The following PPEF1 variants were observed in gnomAD, a reference collection of about 807,000 sequenced individuals.
PPEF1 encodes the protein serine/threonine-protein phosphatase with EF-hands 1.
Under a neutral mutation model 53.3 loss-of-function variants are expected in PPEF1, and 12 were observed. That is an observed-to-expected ratio of 0.23 (90% CI 0.14 to 0.36). The LOEUF is 0.36. PPEF1 is among the 10% of genes least tolerant of loss of function. The pLI is 1.00. For synonymous variants in PPEF1, 165 were observed against 176.7 expected, an observed-to-expected ratio of 0.93 and a Z score of 0.52; for missense variants, 334 against 490.4, an observed-to-expected ratio of 0.68 and a Z score of 3.01.
In PPEF1 at chrX:18,797,203, C is replaced by T. The variant is rs139549979; in HGVS notation, c.1066-6689C>T. The stretch of plus-strand genomic sequence containing the variant: ...ACACACACATAAGTTATGCTAGAGC[C>T]GAAATTTCCAGATAAAAACAGAGCT... On this transcript the variant is annotated intron_variant, in intron 10 of 15. Transcript: ENST00000470157. Among the ~76,000 whole-genome samples the T allele has an allele frequency of 9.8e-3, 1,096 of 111,858 alleles. 15 individuals are homozygous for T. Among genetic ancestry groups the T allele is most frequent in the African/African-American group, 0.034 (1,046 of 30,851 alleles).
At chrX:18,676,415 C>G (rs1214789855) in intron 1 of PPEF1, among the ~76,000 whole-genome samples, 2 of 107,273 alleles carry the variant, frequency 1.9e-5, no homozygotes, top group East Asian at 6.1e-4. Context: ...GTGGGTTTTT[C>G]TAGTACCCGT....
intron 11 of PPEF1, among the ~76,000 whole-genome samples, chrX:18,804,316 T>C (rs945869590): frequency 2.9e-4 from 32 of 109,843 alleles, no homozygotes; most frequent in African/African-American, 1.1e-3. Context: ...AAATTCTTTT[T>C]TTTTTTTTGA....
chrX:18,730,441 C>A, intron 2 of PPEF1, 133 bp downstream of exon 2: 2 of 769,579 alleles, frequency 2.6e-6, no homozygotes, highest in Admixed American at 6.7e-5. Flanking sequence ...CATGTCATGA[C>A]ATTGTCTTGG....
At chrX:18,716,320 C>A (rs1231408713) in intron 1 of PPEF1, among the ~76,000 whole-genome samples, 1 of 110,138 alleles carries the variant, frequency 9.1e-6, no homozygotes, top group Non-Finnish European at 1.9e-5. Context: ...ATCACGAGGT[C>A]AGGAGATTGA....
chrX:18,818,528 G>A (rs1258230961), intron 13 of PPEF1, among the ~76,000 whole-genome samples: 4 of 109,873 alleles, frequency 3.6e-5, no homozygotes, highest in East Asian at 2.9e-4. Flanking sequence ...ACACCACCAC[G>A]CCCAGCTAAT....
At position 18,823,891 on chromosome X, in the gene PPEF1, A is replaced by C. The variant is rs771398789; in HGVS notation, c.1502-32A>C. ...CATTCTTTAAAATCATATTTTAACAAATCATTTGGGCTTTGTTATTGTTGT... is the reference window on the plus strand; with the variant it reads ...CATTCTTTAAAATCATATTTTAACACATCATTTGGGCTTTGTTATTGTTGT... On this transcript the variant is annotated intron_variant, in intron 13 of 15. Coordinates refer to ENST00000470157, the MANE Select transcript of PPEF1 (RefSeq NM_001377996.1). The C allele has an allele frequency of 2.5e-6, 3 of 1,191,415 alleles. No homozygotes were observed. The Admixed American group carries it at 6.8e-5, about 27-fold the overall frequency.
intron 9 of PPEF1, among the ~76,000 whole-genome samples, chrX:18,786,730 CCA>C (rs2147613451): frequency 9.9e-6 from 1 of 101,425 alleles, no homozygotes; most frequent in East Asian, 3.1e-4. Flanking sequence ...CTGCAGTGAG[CCA>C]AGATCAAGCC....
chrX:18,699,593 C>G lies in PPEF1; in HGVS notation c.-225-740C>G, dbSNP rs911369199. On this transcript the variant is annotated intron_variant, in intron 5 of 21. Coordinates refer to the PPEF1 transcript ENST00000361511. ...GAACTGTGGCTGCTGGCATCCATTA[C>G]TGCCATGGGCACTTTGAATTTTCAA... Among the ~76,000 whole-genome samples the G allele has an allele frequency of 3.6e-5, 4 of 111,900 alleles. No individual in the cohort carries two copies. The East Asian group carries it at 8.5e-4, about 24-fold the overall frequency.
chrX:18,737,953 T>C (rs1194828183), intron 3 of PPEF1, among the ~76,000 whole-genome samples: 2 of 110,728 alleles, frequency 1.8e-5, no homozygotes, highest in African/African-American at 6.6e-5. Flanking sequence ...AACCCCTGCT[T>C]TTTTTTTGTT....
intron 3 of PPEF1, among the ~76,000 whole-genome samples, chrX:18,689,113 C>T: frequency 9.0e-6 from 1 of 110,839 alleles, no homozygotes; most frequent in Non-Finnish European, 1.9e-5. Context: ...TGGCCTGAAG[C>T]AGTCTTTCAG....
intron 6 of PPEF1, among the ~76,000 whole-genome samples, chrX:18,775,254 G>T: frequency 1.3e-5 from 1 of 79,975 alleles, no homozygotes. Flanking sequence ...GTCTCACTGT[G>T]TTGCCCAGGC....
intron 12 of PPEF1, among the ~76,000 whole-genome samples, chrX:18,807,020 T>G (rs201237442): frequency 3.0e-4 from 6 of 20,039 alleles, no homozygotes; most frequent in Admixed American, 1.3e-3. Context: ...TTTTTGTTTG[T>G]TTTTTTTCAT....
chrX:18,787,232 T>C (rs373455580), intron 9 of PPEF1, among the ~76,000 whole-genome samples: 228 of 111,017 alleles, frequency 2.1e-3, no homozygotes, highest in African/African-American at 6.8e-3. Flanking sequence ...CAACCCTCTG[T>C]GGCAGGAGGG....
intron 1 of PPEF1, among the ~76,000 whole-genome samples, chrX:18,719,112 A>G (rs2044524087): frequency 8.9e-6 from 1 of 111,979 alleles, no homozygotes; most frequent in African/African-American, 3.2e-5. Context: ...TTATATAGCA[A>G]AATTTCTTTT....
intron 10 of PPEF1, among the ~76,000 whole-genome samples, chrX:18,793,553 A>G (rs2046362349): frequency 1.8e-5 from 2 of 110,861 alleles, no homozygotes; most frequent in African/African-American, 3.3e-5. Flanking sequence ...AAGACTATAT[A>G]TTTCACTCTT....
At chrX:18,782,296 C>T (rs2046102453) in intron 7 of PPEF1, 70 bp from the exon 8 acceptor site, 6 of 889,769 alleles carry the variant, frequency 6.7e-6, no homozygotes, top group Non-Finnish European at 9.6e-6. Flanking sequence ...CCAAGGGCTT[C>T]CCTTTTTGCA....
intron 2 of PPEF1, 21 bp from the exon 3 acceptor site, chrX:18,733,727 A>T (rs2044894027): frequency 3.5e-6 from 4 of 1,144,779 alleles, no homozygotes; most frequent in East Asian, 3.1e-5. Context: ...TAATTGATTA[A>T]TTTTTTTTTA....
intron 6 of PPEF1, among the ~76,000 whole-genome samples, chrX:18,771,847 G>C (rs1042310818): frequency 8.9e-5 from 10 of 111,805 alleles, no homozygotes; most frequent in African/African-American, 2.9e-4. Context: ...AGGTGTAGTA[G>C]CTCATGCCTG....
At chrX:18,803,204 G>T (rs973861362) in intron 10 of PPEF1, among the ~76,000 whole-genome samples, 2 of 112,645 alleles carry the variant, frequency 1.8e-5, no homozygotes, top group African/African-American at 3.2e-5. Context: ...CAAATTAAAG[G>T]AATAGGTTGG....
Sources: allele counts gnomAD v4.1 joint callset (sites outside exome capture counted in the v4.1 genomes callset), GRCh38; gene constraint gnomAD v4.1.1; transcripts MANE v1.5; gene names NCBI Gene and HGNC (gene_info 2026-07-23, HGNC 2026-07-21).